Variants in GRIK1 observed in about 807,000 individuals in gnomAD.
GRIK1 encodes the protein glutamate ionotropic receptor kainate type subunit 1, also known as glutamate receptor ionotropic, kainate 1.
GRIK1 carries 69 observed loss-of-function variants against 105.7 expected under a neutral mutation model. The ratio of observed to expected loss-of-function variants is 0.65; its 90% CI spans 0.54 to 0.80. GRIK1 has a LOEUF of 0.80. GRIK1 is among the 30% of genes least tolerant of loss of function. GRIK1 has a pLI of 0.00. For missense variants in GRIK1, 1,109 were observed against 1,167.3 expected (o/e 0.95, Z 0.73); for synonymous variants, 438 against 431.3 (o/e 1.02, Z -0.19).
chr21:29,915,049 C>T (rs1249329813), intron 1 of GRIK1, among the ~76,000 whole-genome samples: 2 of 151,604 alleles, frequency 1.3e-5, no homozygotes, highest in Non-Finnish European at 2.9e-5. Context: ...GGTGATGCAC[C>T]CAAAAGTATC....
intron 1 of GRIK1, among the ~76,000 whole-genome samples, chr21:29,935,010 G>A (rs1004155059): frequency 7.9e-5 from 12 of 151,994 alleles, no homozygotes; most frequent in Non-Finnish European, 1.2e-4. Context: ...TTCATGTTAG[G>A]ACCAACATGA....
intron 1 of GRIK1, among the ~76,000 whole-genome samples, chr21:29,840,607 C>T (rs1261901397): frequency 6.6e-6 from 1 of 152,140 alleles, no homozygotes; most frequent in Admixed American, 6.6e-5. Flanking sequence ...AACAGCCTTT[C>T]AGAGGGTGGA....
intron 4 of GRIK1, among the ~76,000 whole-genome samples, chr21:29,668,112 T>G (rs1247463766): frequency 6.6e-6 from 1 of 152,188 alleles, no homozygotes; most frequent in East Asian, 1.9e-4. Context: ...TTTGGTTCAT[T>G]TATTCATTCA....
intron 10 of GRIK1, among the ~76,000 whole-genome samples, chr21:29,589,636 C>T (rs1023126421): frequency 6.6e-6 from 1 of 151,860 alleles, no homozygotes; most frequent in African/African-American, 2.4e-5. Flanking sequence ...CATGTTGGTC[C>T]AGGATGGTCT....
intron 14 of GRIK1, among the ~76,000 whole-genome samples, chr21:29,575,707 C>T (rs2090875112): frequency 6.6e-6 from 1 of 152,010 alleles, no homozygotes; most frequent in African/African-American, 2.4e-5. Context: ...TGGCAGGCAC[C>T]TGTCGTCCCA....
At chr21:29,894,566 C>A (rs1025694655) in intron 1 of GRIK1, among the ~76,000 whole-genome samples, 1 of 152,006 alleles carries the variant, frequency 6.6e-6, no homozygotes, top group Non-Finnish European at 1.5e-5. Context: ...TTTCCTAGTT[C>A]GCTGACTCAA....
chr21:29,775,768 AC>A (rs368506743), intron 1 of GRIK1, among the ~76,000 whole-genome samples: 5 of 152,104 alleles, frequency 3.3e-5, no homozygotes, highest in African/African-American at 1.2e-4. Context: ...TCTCCCCAAA[AC>A]CTGTTCTTCT....
chr21:29,639,597 G>A (rs1430925527), intron 7 of GRIK1, among the ~76,000 whole-genome samples: 1 of 152,188 alleles, frequency 6.6e-6, no homozygotes, highest in Non-Finnish European at 1.5e-5. Flanking sequence ...AAGGGATCAG[G>A]AACAAGATCA....
intron 1 of GRIK1, among the ~76,000 whole-genome samples, chr21:29,841,195 A>G (rs1261506279): frequency 1.3e-5 from 2 of 152,220 alleles, no homozygotes; most frequent in Non-Finnish European, 2.9e-5. Flanking sequence ...GATGATAGCT[A>G]TAATAACTTT....
chr21:29,696,046 A>C (rs1352513072), intron 1 of GRIK1, among the ~76,000 whole-genome samples: 1 of 152,274 alleles, frequency 6.6e-6, no homozygotes, highest in Non-Finnish European at 1.5e-5. Flanking sequence ...ACTTTGAAAA[A>C]AATGCAATAA....
In GRIK1 at chr21:29,814,119, TA is replaced by T. The variant is rs1174292455; in HGVS notation, c.119-120057del. On this transcript the variant is annotated intron_variant, in intron 1 of 17. Transcript: ENST00000327783. ...AAATAATAATAATAATAATAATTATTATTTTTTTTTTTGCTGAGATGGCATT... is the reference window on the plus strand; with the variant it reads ...AAATAATAATAATAATAATAATTATTTTTTTTTTTTTGCTGAGATGGCATT... Among the ~76,000 whole-genome samples, 82 of 145,716 alleles carry T rather than the reference TA, an allele frequency of 5.6e-4. No individual in the cohort carries two copies. In the East Asian group the frequency reaches 0.012, roughly 22 times the overall value.
intron 16 of GRIK1, among the ~76,000 whole-genome samples, chr21:29,544,910 T>C (rs1054709797): frequency 7.2e-5 from 11 of 152,142 alleles, no homozygotes; most frequent in African/African-American, 2.4e-4. Flanking sequence ...TCCTCTGCCT[T>C]CTCTGGGGGC....
chr21:29,904,191 C>T (rs2070519109), intron 1 of GRIK1, among the ~76,000 whole-genome samples: 1 of 151,918 alleles, frequency 6.6e-6, no homozygotes, highest in Non-Finnish European at 1.5e-5. Flanking sequence ...GCGATGGGTG[C>T]CGCAAACCAC....
intron 1 of GRIK1, among the ~76,000 whole-genome samples, chr21:29,751,075 A>G (rs1480742899): frequency 6.6e-6 from 1 of 152,154 alleles, no homozygotes; most frequent in Non-Finnish European, 1.5e-5. Context: ...AGGATGAGCC[A>G]GGAGAAGGAA....
intron 1 of GRIK1, among the ~76,000 whole-genome samples, chr21:29,781,204 C>T (rs2066089128): frequency 6.6e-6 from 1 of 152,068 alleles, no homozygotes; most frequent in Non-Finnish European, 1.5e-5. Context: ...TGGAATCATA[C>T]CTATCTGTGC....
intron 8 of GRIK1, 81 bp downstream of exon 8, chr21:29,598,749 C>A: frequency 1.5e-6 from 1 of 646,290 alleles, no homozygotes; most frequent in Non-Finnish European, 2.7e-6. Context: ...TCATCATTCA[C>A]CTACTTGTCT....
intron 1 of GRIK1, among the ~76,000 whole-genome samples, chr21:29,931,070 ATCT>A (rs948771552): frequency 6.6e-6 from 1 of 152,218 alleles, no homozygotes; most frequent in Non-Finnish European, 1.5e-5. Flanking sequence ...TGTACTCCAC[ATCT>A]TCTTTCTCCT....
Position 29,642,899 on chromosome 21 carries a change from G to A in GRIK1, c.1025C>T (p.Thr342Ile). Reference sequence around the variant, plus strand: ...TCTATGGCACTGCAGGGAGCTGACGGTCAGCTGGGATGCCCGGTGCGAGGC... The same window carrying A: ...TCTATGGCACTGCAGGGAGCTGACGATCAGCTGGGATGCCCGGTGCGAGGC... Reference protein sequence around the residue: ...AIASHRASQLTVSSLQCHRHK... With the variant: ...AIASHRASQLIVSSLQCHRHK... The change falls in exon 7 of 18, where the codon ACC (threonine) becomes ATC (isoleucine). Residue 342 changes from threonine to isoleucine, a missense_variant. Physicochemically the swap from Thr to Ile is moderately conservative, Grantham distance 89 (BLOSUM62 -1). Coordinates refer to ENST00000327783, the MANE Select transcript of GRIK1 (RefSeq NM_001330994.2). The A allele has an allele frequency of 1.3e-5, 21 of 1,613,894 alleles. No individual in the cohort carries two copies. Among genetic ancestry groups the A allele is most frequent in the Non-Finnish European group, 1.8e-5 (21 of 1,179,754 alleles).
intron 1 of GRIK1, among the ~76,000 whole-genome samples, chr21:29,792,297 C>T (rs1010071803): frequency 2.0e-5 from 3 of 152,052 alleles, no homozygotes; most frequent in African/African-American, 7.2e-5. Context: ...AAAAGGATCC[C>T]CATGGTTGCC....
Sources: gnomAD v4.1 joint callset for allele counts (sites outside exome capture counted in the v4.1 genomes callset) on GRCh38, gnomAD v4.1.1 for gene constraint, MANE v1.5 for transcripts, NCBI Gene and HGNC (gene_info 2026-07-23, HGNC 2026-07-21) for gene names.